The following TENM3 variants were observed in gnomAD, a reference collection of about 807,000 sequenced individuals.
The protein encoded by TENM3 is teneurin-3.
TENM3 carries 63 observed loss-of-function variants against 255.1 expected under a neutral mutation model. The ratio of observed to expected loss-of-function variants is 0.25; its 90% CI spans 0.20 to 0.30. The LOEUF is 0.30. Among genes scored for constraint, TENM3 ranks in the 10% least tolerant of loss-of-function variants. The probability of loss-of-function intolerance (pLI) is 1.00; values close to 1 mark genes in which losing one functional copy is unlikely to be tolerated. For missense variants in TENM3, 2,929 were observed against 3,461.1 expected, an observed-to-expected ratio of 0.85 and a Z score of 3.86; for synonymous variants, 1,306 against 1,322.3, an observed-to-expected ratio of 0.99 and a Z score of 0.27.
At chr4:182,328,382 A>AT (rs1763545774) in intron 2 of TENM3, among the ~76,000 whole-genome samples, 1 of 151,894 alleles carries the variant, frequency 6.6e-6, no homozygotes, top group Non-Finnish European at 1.5e-5. Flanking sequence ...CGCCCAGCTA[A>AT]TTTTTGTAAT....
the TENM3 span, among the ~76,000 whole-genome samples, chr4:181,714,441 A>G: frequency 6.6e-6 from 1 of 152,162 alleles, no homozygotes; most frequent in Non-Finnish European, 1.5e-5. Flanking sequence ...ACAGAGCAAG[A>G]TGCTATCTCA....
intron 3 of TENM3, among the ~76,000 whole-genome samples, chr4:182,419,004 T>C (rs1490865812): frequency 6.6e-6 from 1 of 152,182 alleles, no homozygotes; most frequent in African/African-American, 2.4e-5. Context: ...CAGAAGATGA[T>C]AAAAATGGTT....
the TENM3 span, among the ~76,000 whole-genome samples, chr4:181,678,000 T>G: frequency 6.6e-6 from 1 of 152,160 alleles, no homozygotes; most frequent in African/African-American, 2.4e-5. Context: ...CCGATTTCTT[T>G]GAGAGAATTT....
intron 1 of TENM3, among the ~76,000 whole-genome samples, chr4:182,181,463 A>G (rs1166652738): frequency 6.6e-6 from 1 of 152,218 alleles, no homozygotes; most frequent in Non-Finnish European, 1.5e-5. Context: ...ATTAGTGAGG[A>G]GATCAAAACC....
the TENM3 span, among the ~76,000 whole-genome samples, chr4:182,033,049 C>T: frequency 4.1e-5 from 6 of 147,942 alleles, no homozygotes; most frequent in African/African-American, 1.5e-4. Flanking sequence ...TCCTTTAGTT[C>T]CACTCTAATC....
chr4:182,464,218 A>C (rs1194502321), intron 3 of TENM3, among the ~76,000 whole-genome samples: 1 of 137,600 alleles, frequency 7.3e-6, no homozygotes, highest in Non-Finnish European at 1.7e-5. Context: ...AAAGAAGTCG[A>C]TATTATTATA....
At chr4:182,798,507 C>G (rs550672811) in intron 27 of TENM3, among the ~76,000 whole-genome samples, 1 of 152,346 alleles carries the variant, frequency 6.6e-6, no homozygotes, top group South Asian at 2.1e-4. Flanking sequence ...GATGTTCACA[C>G]AAGGACGAAA....
intron 3 of TENM3, among the ~76,000 whole-genome samples, chr4:182,369,224 C>CACTT (rs1409364185): frequency 1.3e-5 from 2 of 152,174 alleles, no homozygotes; most frequent in African/African-American, 4.8e-5. Flanking sequence ...CTTTACTCAA[C>CACTT]ACTTATTATG....
chr4:181,699,442 C>A, the TENM3 span, among the ~76,000 whole-genome samples: 6 of 44,084 alleles, frequency 1.4e-4, no homozygotes, highest in South Asian at 1.7e-3. Context: ...GACCCTGTCG[C>A]AAAAAAAAAA....
intron 1 of TENM3, among the ~76,000 whole-genome samples, chr4:182,264,935 T>C (rs1759141855): frequency 6.6e-6 from 1 of 152,218 alleles, no homozygotes; most frequent in South Asian, 2.1e-4. Context: ...ATGGTTTTTT[T>C]TTCTTAGTCG....
intron 1 of TENM3, among the ~76,000 whole-genome samples, chr4:182,215,556 A>G (rs1437086946): frequency 3.3e-5 from 5 of 152,138 alleles, no homozygotes; most frequent in Non-Finnish European, 4.4e-5. Flanking sequence ...TCTTACGTTC[A>G]TTTCATTACG....
At chr4:181,953,748 T>C in the TENM3 span, among the ~76,000 whole-genome samples, 1 of 152,094 alleles carries the variant, frequency 6.6e-6, no homozygotes, top group Admixed American at 6.6e-5. Context: ...AGTGGAAATA[T>C]AAGCTCAGGA....
At chr4:182,506,365 G>A (rs1736817900) in intron 3 of TENM3, among the ~76,000 whole-genome samples, 1 of 152,152 alleles carries the variant, frequency 6.6e-6, no homozygotes, top group African/African-American at 2.4e-5. Flanking sequence ...ATTACCTTAA[G>A]CTAAATTTCT....
At chr4:182,101,829 G>T in the TENM3 span, among the ~76,000 whole-genome samples, 1 of 152,142 alleles carries the variant, frequency 6.6e-6, no homozygotes, top group Non-Finnish European at 1.5e-5. Context: ...TACTCAGGTC[G>T]ATACTGTATA....
the TENM3 span, among the ~76,000 whole-genome samples, chr4:181,978,708 G>A: frequency 2.0e-5 from 3 of 150,362 alleles, no homozygotes; most frequent in Non-Finnish European, 4.4e-5. Context: ...TTTACTGACT[G>A]ATTTTTCTGT....
intron 3 of TENM3, among the ~76,000 whole-genome samples, chr4:182,453,358 A>C (rs1773622390): frequency 6.6e-6 from 1 of 152,164 alleles, no homozygotes; most frequent in African/African-American, 2.4e-5. Context: ...AGTACACGCA[A>C]ATATTTGTGG....
intron 17 of TENM3, 149 bp downstream of exon 17, chr4:182,737,224 A>T (rs1761237795): frequency 2.4e-6 from 2 of 844,174 alleles, no homozygotes; most frequent in Non-Finnish European, 3.7e-6. Flanking sequence ...GCTGGTTTAG[A>T]TCTACCGTGG....
chr4:182,596,880 CAA>C (rs1388355634), intron 3 of TENM3, among the ~76,000 whole-genome samples: 1 of 152,142 alleles, frequency 6.6e-6, no homozygotes, highest in East Asian at 1.9e-4. Flanking sequence ...GTAACTCACT[CAA>C]AGTCATTATA....
chr4:181,766,748 G>A, the TENM3 span, among the ~76,000 whole-genome samples: 2 of 150,418 alleles, frequency 1.3e-5, no homozygotes, highest in African/African-American at 2.4e-5. Context: ...AAAGTATGTA[G>A]GCGTTCAAAA....
Sources: gnomAD v4.1 joint callset for allele counts (sites outside exome capture counted in the v4.1 genomes callset) on GRCh38, gnomAD v4.1.1 for gene constraint, MANE v1.5 for transcripts, NCBI Gene and HGNC (gene_info 2026-07-23, HGNC 2026-07-21) for gene names.